CIITA: variants seen among roughly 807,000 people sequenced by gnomAD.
The protein encoded by CIITA is class II major histocompatibility complex transactivator.
In CIITA, 72 loss-of-function variants were observed where a neutral mutation model predicts 115.1. The observed-to-expected ratio is 0.63, with a 90% CI of 0.52 to 0.76. CIITA has a LOEUF of 0.76. Ranked by LOEUF, CIITA falls within the 30% of genes least tolerant of loss-of-function variation. The pLI, the probability that CIITA is intolerant of heterozygous loss-of-function variation, is 0.00. For synonymous variants in CIITA, 763 were observed against 635.6 expected, an observed-to-expected ratio of 1.20 and a Z score of -3.02; for missense variants, 1,617 against 1,463.8, an observed-to-expected ratio of 1.10 and a Z score of -1.71.
At chr16:10,899,631 G>T (rs7189406) in intron 5 of CIITA, among the ~76,000 whole-genome samples, 1 of 152,048 alleles carries the variant, frequency 6.6e-6, no homozygotes, top group Non-Finnish European at 1.5e-5. Flanking sequence ...TAGCACCTCA[G>T]TAGATATCTG....
intron 1 of CIITA, among the ~76,000 whole-genome samples, chr16:10,892,215 T>C (rs548001851): frequency 1.3e-5 from 2 of 152,102 alleles, no homozygotes; most frequent in South Asian, 4.2e-4. Context: ...TGCCAGCTAC[T>C]TGGGAGGTTG....
In CIITA at chr16:10,902,101, T is replaced by C. The variant is rs2038814940; in HGVS notation, c.545T>C (p.Leu182Pro). 2 of 1,613,986 alleles carry C rather than the reference T, an allele frequency of 1.2e-6. No individual in the cohort carries two copies. Among genetic ancestry groups the C allele is most frequent in the Admixed American group, 1.7e-5 (1 of 60,004 alleles). Residue 182 changes from leucine to proline, a missense_variant, in exon 7 of 20, where the codon CTG becomes CCG. Leu to Pro is a moderately conservative substitution (Grantham distance 98). Coordinates refer to ENST00000324288, the MANE Select transcript of CIITA (RefSeq NM_000246.4). ...LVGPVSDCST[L>P]PCLPLPALFN... is the part of the protein sequence containing the mutation. Reference sequence around the variant, plus strand: ...GGACCAGTGAGCGACTGCTCCACCCTGCCCTGCCTGCCACTGCCTGCGCTG... The same window carrying C: ...GGACCAGTGAGCGACTGCTCCACCCCGCCCTGCCTGCCACTGCCTGCGCTG...
intron 13 of CIITA, among the ~76,000 whole-genome samples, chr16:10,911,283 T>G (rs577638919): frequency 6.7e-6 from 1 of 148,484 alleles, no homozygotes; most frequent in South Asian, 2.2e-4. Context: ...TCCTTTCCCT[T>G]CCTTTTCTTT....
rs760125920 is a variant in CIITA, at chr16:10,904,782, G to A, written c.976G>A (p.Glu326Lys). The A allele has an allele frequency of 1.2e-6, 2 of 1,614,194 alleles. No homozygotes were observed. Among genetic ancestry groups the A allele is most frequent in the South Asian group, 2.2e-5 (2 of 91,084 alleles). ...TSPTQCPAAG[E>K]VSNKLPKWPE... ...CCCCACCCAATGCCCGGCAGCTGGA[G>A]AGGTCTCCAACAAGCTTCCAAAATG... is the stretch of plus-strand genomic sequence containing the variant. The change falls in exon 10 of 20, where the codon GAG becomes AAG. Residue 326 changes from glutamate to lysine, a missense_variant. Transcript: ENST00000324288.
rs745890704 is a variant in CIITA, at chr16:10,877,523, T to C, written c.52+141T>C. 66 of 907,798 alleles carry C rather than the reference T, an allele frequency of 7.3e-5. 1 individual carries two copies. The highest frequency in any genetic ancestry group is 5.2e-4 in the South Asian group (37 of 70,944). The allele number at this position is 907,798 out of a possible 1,614,324, so 56.2% of individuals were successfully genotyped here. A position where few individuals can be genotyped will look rare whatever the true frequency, so the allele number is the denominator to read the frequency against. ...GTCTGTGTCCTGCTGGGGCAGGCCA[T>C]TGGAAGATGTGAAAGAGTTGTCTAT... On this transcript the variant is annotated intron_variant, in intron 1 of 19. Transcript: ENST00000324288.
Position 10,929,642 on chromosome 16 carries a change from C to A in CIITA, c.*5787C>A. 1.1e-6 allele frequency: 1 copy of A among 888,148 alleles called. No individual in the cohort carries two copies. Among genetic ancestry groups the A allele is most frequent in the Non-Finnish European group, 1.3e-6 (1 of 741,324 alleles). 55.0% of individuals were successfully genotyped at this position (888,148 alleles called of 1,614,324 possible). ...TGGCTGGGGACAGGGACCAATCCACCAGGCTCGGGAGGCTTGGGGTGGGGC... is the reference window on the plus strand; with the variant it reads ...TGGCTGGGGACAGGGACCAATCCACAAGGCTCGGGAGGCTTGGGGTGGGGC... On this transcript the variant is annotated 3_prime_UTR_variant, in exon 20 of 20. Transcript: ENST00000324288. The surrounding 1 kb of genome is among the most constrained non-coding windows in gnomAD (Gnocchi z 4.3).
chr16:10,898,988 A>G lies in CIITA; in HGVS notation c.422A>G (p.Lys141Arg), dbSNP rs774999334. The change falls in exon 5 of 20, where the codon AAA (lysine) becomes AGA (arginine). Residue 141 changes from lysine (K) to arginine (R), a missense_variant. Coordinates refer to ENST00000324288, the MANE Select transcript of CIITA (RefSeq NM_000246.4). ...SMEMPAEVGQ[K>R]SQKRPFPEEL... ...GAGATGCCAGCAGAAGTTGGGCAGA[A>G]AAGTCAGAAAAGACGTGAGTGAGCC... The G allele has an allele frequency of 1.9e-6, 3 of 1,613,958 alleles. No individual in the cohort carries two copies. The highest frequency in any genetic ancestry group is 1.3e-5 in the African/African-American group (1 of 74,874).
chr16:10,916,276 G>A (rs532362752), intron 14 of CIITA, 91 bp from the exon 15 acceptor site: 6 of 1,197,312 alleles, frequency 5.0e-6, no homozygotes, highest in African/African-American at 1.5e-5. Flanking sequence ...GGAAGGGCAG[G>A]TGCCAGGGCT....
intron 1 of CIITA, among the ~76,000 whole-genome samples, chr16:10,893,169 T>A (rs1280718806): frequency 1.3e-5 from 2 of 152,094 alleles, no homozygotes; most frequent in Non-Finnish European, 2.9e-5. Context: ...CCCTCGAGCC[T>A]CCAGAGGCAG....
At chr16:10,921,476 G>A (rs1207936802) in intron 16 of CIITA, among the ~76,000 whole-genome samples, 2 of 152,140 alleles carry the variant, frequency 1.3e-5, no homozygotes, top group Non-Finnish European at 2.9e-5. Context: ...CAGAACCATA[G>A]CTAACATTTA....
intron 1 of CIITA, among the ~76,000 whole-genome samples, chr16:10,893,916 A>G (rs1262718041): frequency 6.7e-6 from 1 of 149,480 alleles, no homozygotes; most frequent in Non-Finnish European, 1.5e-5. Context: ...AGCACATTTC[A>G]TCACCCCCTA....
chr16:10,892,139 C>T (rs756683312), intron 1 of CIITA, among the ~76,000 whole-genome samples: 3 of 152,090 alleles, frequency 2.0e-5, no homozygotes, highest in Admixed American at 1.3e-4. Flanking sequence ...GCCTGACCAA[C>T]ATGGTGAAAC....
rs1226117153 is a variant in CIITA at position 10,929,997 on chromosome 16, C to T, written c.*6142C>T. On this transcript the variant is annotated 3_prime_UTR_variant, in exon 20 of 20. Coordinates refer to ENST00000324288, the MANE Select transcript of CIITA (RefSeq NM_000246.4). The surrounding 1 kb of genome is among the most constrained non-coding windows in gnomAD (Gnocchi z 4.3). ...CCTTGCCCGGAAAAATGCTTTGCAA[C>T]CTACAGGAAGGCAATAGCCACAGCC... 6.6e-6 allele frequency: 1 copy of T among 152,262 alleles called. No individual in the cohort carries two copies. Among genetic ancestry groups the T allele is most frequent in the Non-Finnish European group, 1.5e-5 (1 of 68,096 alleles). The allele number at this position is 152,262 out of a possible 1,614,324, so 9.4% of individuals were successfully genotyped here.
chr16:10,900,109 TG>T (rs1459090118), intron 5 of CIITA, among the ~76,000 whole-genome samples: 1 of 151,738 alleles, frequency 6.6e-6, no homozygotes, highest in East Asian at 1.9e-4. Flanking sequence ...GAATATTCAG[TG>T]AAAAAAAAAT....
rs147912483 is a variant in CIITA, at chr16:10,906,545, C to T, written c.1053C>T (p.Ala351=). The T allele has an allele frequency of 3.2e-5, 52 of 1,612,630 alleles. No individual in the cohort carries two copies. The African/African-American group carries it at 5.9e-4, about 18-fold the overall frequency. Residue 351 remains alanine, a synonymous_variant, in exon 11 of 20, where the codon GCC becomes GCT. Transcript: ENST00000324288. ...GCTCACTGCAGGACACGTATGGTGCCGAGCCCGCAGGCCCGGATGGCATCC... is the reference window on the plus strand; with the variant it reads ...GCTCACTGCAGGACACGTATGGTGCTGAGCCCGCAGGCCCGGATGGCATCC... ...FYRSLQDTYG[A]EPAGPDGILV... is the part of the protein sequence containing the mutation.
Position 10,934,556 on chromosome 16 carries a change from G to C in CIITA, c.*10701G>C, listed in dbSNP as rs1040469705. 1.3e-5 allele frequency: 2 copies of C among 152,250 alleles called. No homozygotes were observed. Among genetic ancestry groups the C allele is most frequent in the Non-Finnish European group, 2.9e-5 (2 of 68,080 alleles). 9.4% of individuals were successfully genotyped at this position (152,250 alleles called of 1,614,324 possible). A position where few individuals can be genotyped will look rare whatever the true frequency, so the allele number is the denominator to read the frequency against. On this transcript the variant is annotated 3_prime_UTR_variant, in exon 20 of 20. Transcript: ENST00000324288. The surrounding 1 kb of genome is among the most constrained non-coding windows in gnomAD (Gnocchi z 4.2). The stretch of plus-strand genomic sequence containing the variant: ...TCACTGGGGGAAACATCAGGACAGC[G>C]TGGCCAGGAGCCCAATGCTGCCACC...
intron 1 of CIITA, among the ~76,000 whole-genome samples, chr16:10,868,894 T>C (rs2035281602): frequency 6.6e-6 from 1 of 152,230 alleles, no homozygotes; most frequent in Admixed American, 6.5e-5. Context: ...GTTGCTCTTT[T>C]CCTGCTTTCT....
chr16:10,907,897 G>T lies in CIITA; in HGVS notation c.2405G>T (p.Arg802Leu), dbSNP rs201182990. 1 of 1,587,592 alleles carries T rather than the reference G, an allele frequency of 6.3e-7. No individual in the cohort carries two copies. The change falls in exon 11 of 20, where the codon CGG (arginine) becomes CTG (leucine). Residue 802 changes from arginine (R) to leucine (L), a missense_variant. By Grantham distance (102) the Arg-to-Leu change is moderately radical (BLOSUM62 -2). Transcript: ENST00000324288. The surrounding 1 kb of genome is among the most constrained non-coding windows in gnomAD (Gnocchi z 5.0). ...YLKRLQPGTL[R>L]ARQLLELLHC... ...AAGCGGCTGCAGCCGGGGACACTGC[G>T]GGCGCGGCAGCTGCTGGAGCTGCTG...
rs371085335 is a variant in CIITA at position 10,896,211 on chromosome 16, A to G, written c.295+447A>G. On this transcript the variant is annotated intron_variant, in intron 3 of 19. Coordinates refer to ENST00000324288, the MANE Select transcript of CIITA (RefSeq NM_000246.4). ...ATTATCATCTGGAATCCTTACAACA[A>G]CAAAGGAAATACATATTATTAGTTT... 7.2e-5 allele frequency among the ~76,000 whole-genome samples: 11 copies of G among 152,350 alleles called. No individual in the cohort carries two copies. In the East Asian group the frequency reaches 1.5e-3, roughly 21 times the overall value.
Sources: gnomAD v4.1 joint callset for allele counts (sites outside exome capture counted in the v4.1 genomes callset) on GRCh38, gnomAD v4.1.1 for gene constraint, Gnocchi (gnomAD v3.1) non-coding constraint, MANE v1.5 for transcripts, NCBI Gene and HGNC (gene_info 2026-07-23, HGNC 2026-07-21) for gene names.